Variants in CCSER1 observed in about 807,000 individuals in gnomAD.
The protein encoded by CCSER1 is coiled-coil serine rich protein 1.
CCSER1 carries 41 observed loss-of-function variants against 82.0 expected under a neutral mutation model. That is an observed-to-expected ratio of 0.50 (90% confidence interval 0.39 to 0.65). CCSER1 has a LOEUF of 0.65. Ranked by LOEUF, CCSER1 falls within the 30% of genes least tolerant of loss-of-function variation. CCSER1 has a pLI of 0.00. For missense variants in CCSER1, 1,119 were observed against 1,064.2 expected, an observed-to-expected ratio of 1.05 and a Z score of -0.72; for synonymous variants, 414 against 383.9, an observed-to-expected ratio of 1.08 and a Z score of -0.92.
chr4:90,278,296 C>G (rs552424199), intron 1 of CCSER1, among the ~76,000 whole-genome samples: 1 of 152,080 alleles, frequency 6.6e-6, no homozygotes, highest in Non-Finnish European at 1.5e-5. Flanking sequence ...AAGTGTTGAA[C>G]TACCATTCAA....
At chr4:90,820,572 C>T (rs1044692201) in intron 8 of CCSER1, among the ~76,000 whole-genome samples, 2 of 152,152 alleles carry the variant, frequency 1.3e-5, no homozygotes, top group African/African-American at 4.8e-5. Flanking sequence ...CTAAACATCT[C>T]TCCATAGGTG....
intron 9 of CCSER1, among the ~76,000 whole-genome samples, chr4:91,068,083 A>G (rs573077669): frequency 2.0e-4 from 30 of 152,244 alleles, no homozygotes; most frequent in Non-Finnish European, 3.2e-4. Context: ...CCAATTATAT[A>G]TTTAAAGCAT....
chr4:90,185,511 G>A (rs1330576118), intron 1 of CCSER1, among the ~76,000 whole-genome samples: 1 of 152,036 alleles, frequency 6.6e-6, no homozygotes, highest in Non-Finnish European at 1.5e-5. Flanking sequence ...TCTGCCTTGT[G>A]ATTAGGGAAA....
chr4:90,560,288 A>G (rs924132415), intron 5 of CCSER1, among the ~76,000 whole-genome samples: 1 of 151,928 alleles, frequency 6.6e-6, no homozygotes, highest in African/African-American at 2.4e-5. Context: ...CCAAAGCTCT[A>G]AACATCCTAG....
At chr4:90,904,273 A>G (rs28446043) in intron 8 of CCSER1, among the ~76,000 whole-genome samples, 1,713 of 152,158 alleles carry the variant, frequency 0.011, 33 homozygotes, top group African/African-American at 0.04. Flanking sequence ...TAACAACACA[A>G]TTGATACTTT....
At chr4:90,607,244 A>G (rs568165486) in intron 5 of CCSER1, among the ~76,000 whole-genome samples, 102 of 152,320 alleles carry the variant, frequency 6.7e-4, no homozygotes, top group South Asian at 2.7e-3. Context: ...ACATTTGTGT[A>G]TATTTTGATA....
In CCSER1 at chr4:90,258,020, A is replaced by G. The variant is rs1319829232; in HGVS notation, c.-41-50224A>G. On this transcript the variant is annotated intron_variant, in intron 1 of 10. Coordinates refer to ENST00000509176, the MANE Select transcript of CCSER1 (RefSeq NM_001145065.2). The stretch of plus-strand genomic sequence containing the variant: ...ACCTGGGCAGTCTGTGGTCCAGTCA[A>G]GTTGACACATAAAATTAACCGCCAC... 2.0e-5 allele frequency among the ~76,000 whole-genome samples: 3 copies of G among 152,178 alleles called. No individual in the cohort carries two copies. In the East Asian group the frequency reaches 5.8e-4, roughly 29 times the overall value.
intron 9 of CCSER1, among the ~76,000 whole-genome samples, chr4:91,054,370 A>G (rs1162808838): frequency 2.6e-5 from 4 of 152,026 alleles, no homozygotes; most frequent in Non-Finnish European, 4.4e-5. Flanking sequence ...CACTTCTTCT[A>G]TTATTTACCT....
Position 90,836,686 on chromosome 4 carries a change from T to A in CCSER1, c.2094+20841T>A, listed in dbSNP as rs149331623. ...TGTGTGGGCCACAGAAGTCCTGATT[T>A]GAACCCTGGACTGGGTGGAGTCTTG... is the stretch of plus-strand genomic sequence containing the variant. On this transcript the variant is annotated intron_variant, in intron 8 of 10. Coordinates refer to ENST00000509176, the MANE Select transcript of CCSER1 (RefSeq NM_001145065.2). Among the ~76,000 whole-genome samples, 69 of 152,290 alleles carry A rather than the reference T, an allele frequency of 4.5e-4. 1 individual carries two copies. The East Asian group carries it at 0.011, about 24-fold the overall frequency.
chr4:91,135,444 A>C (rs886181666), intron 10 of CCSER1, among the ~76,000 whole-genome samples: 1 of 152,198 alleles, frequency 6.6e-6, no homozygotes, highest in African/African-American at 2.4e-5. Flanking sequence ...TAATTGTTAA[A>C]ATTTGAATGG....
At chr4:90,339,928 C>A (rs1169652970) in intron 3 of CCSER1, among the ~76,000 whole-genome samples, 1 of 151,600 alleles carries the variant, frequency 6.6e-6, no homozygotes, top group Non-Finnish European at 1.5e-5. Flanking sequence ...AATGAAACAT[C>A]CCCAAAGCCT....
chr4:91,246,633 AC>A (rs1242516104), intron 10 of CCSER1, among the ~76,000 whole-genome samples: 1 of 152,190 alleles, frequency 6.6e-6, no homozygotes, highest in African/African-American at 2.4e-5. Flanking sequence ...TCTGGAAGCA[AC>A]CTAAGTGTCC....
chr4:90,825,732 T>C (rs1760341085), intron 8 of CCSER1, among the ~76,000 whole-genome samples: 1 of 100,126 alleles, frequency 1.0e-5, no homozygotes, highest in East Asian at 2.6e-4. Flanking sequence ...TTGTTGTTGC[T>C]TTTTTTTTTT....
rs777732218 is a variant in CCSER1, at chr4:90,628,053, G to A, written c.1753G>A (p.Val585Ile). Residue 585 changes from valine (V) to isoleucine (I), a missense_variant, in exon 6 of 11, where the codon GTT (valine) becomes ATT (isoleucine). Val to Ile is a conservative substitution (Grantham distance 29). Coordinates refer to ENST00000509176, the MANE Select transcript of CCSER1 (RefSeq NM_001145065.2). The part of the protein sequence containing the change: ...QNLSLKLTKD[V>I]DQEARCSHIS... ...TCTTTCCCTGAAATTAACAAAGGAC[G>A]TTGATCAAGAAGCCAGGTGTTCCCA... 19 of 1,612,850 alleles carry A rather than the reference G, an allele frequency of 1.2e-5. No individual in the cohort carries two copies. Among genetic ancestry groups the A allele is most frequent in the African/African-American group, 4.0e-5 (3 of 74,662 alleles).
intron 10 of CCSER1, among the ~76,000 whole-genome samples, chr4:91,308,873 G>A (rs1745252433): frequency 6.6e-6 from 1 of 151,882 alleles, no homozygotes; most frequent in Non-Finnish European, 1.5e-5. Flanking sequence ...AACATAATTT[G>A]TAATTTTCTA....
intron 8 of CCSER1, among the ~76,000 whole-genome samples, chr4:90,891,794 C>T (rs1366764535): frequency 6.6e-6 from 1 of 151,980 alleles, no homozygotes; most frequent in African/African-American, 2.4e-5. Context: ...TACATTCACT[C>T]CTATTTTGCA....
chr4:91,532,023 G>A (rs971109467), intron 10 of CCSER1, among the ~76,000 whole-genome samples: 23 of 152,048 alleles, frequency 1.5e-4, no homozygotes, highest in African/African-American at 5.6e-4. Flanking sequence ...TACAAACAAT[G>A]ACATATTATA....
At chr4:90,806,985 A>T (rs548492795) in intron 7 of CCSER1, among the ~76,000 whole-genome samples, 1 of 152,132 alleles carries the variant, frequency 6.6e-6, no homozygotes, top group South Asian at 2.1e-4. Flanking sequence ...GAATAAAATT[A>T]ACTTTTCTTA....
chr4:90,574,505 T>A (rs188984552), intron 5 of CCSER1, among the ~76,000 whole-genome samples: 4,024 of 151,136 alleles, frequency 0.027, 130 homozygotes, highest in South Asian at 0.087. Context: ...CCTGACCTCA[T>A]GATCCACCCG....
Sources: gnomAD v4.1 joint callset for allele counts (sites outside exome capture counted in the v4.1 genomes callset) on GRCh38, gnomAD v4.1.1 for gene constraint, MANE v1.5 for transcripts, NCBI Gene and HGNC (gene_info 2026-07-23, HGNC 2026-07-21) for gene names.